The following KLHL1 variants were observed in gnomAD, a reference collection of about 807,000 sequenced individuals.
KLHL1 encodes kelch like family member 1.
In KLHL1, 47 loss-of-function variants were observed where a neutral mutation model predicts 77.7. The ratio of observed to expected loss-of-function variants is 0.60; its 90% CI spans 0.48 to 0.77. KLHL1 has a LOEUF of 0.77. Ranked by LOEUF, KLHL1 falls within the 30% of genes least tolerant of loss-of-function variation. The pLI is 0.00. For synonymous variants in KLHL1, 360 were observed against 325.2 expected, an observed-to-expected ratio of 1.11 and a Z score of -1.15; for missense variants, 925 against 910.8, an observed-to-expected ratio of 1.02 and a Z score of -0.20.
At chr13:69,985,745 A>G (rs142843119) in intron 1 of KLHL1, among the ~76,000 whole-genome samples, 31 of 148,414 alleles carry the variant, frequency 2.1e-4, no homozygotes, top group Non-Finnish European at 3.6e-4. Context: ...GTGTTCATCA[A>G]AGGCTAAATG....
intron 1 of KLHL1, among the ~76,000 whole-genome samples, chr13:70,063,459 G>C (rs1184986432): frequency 6.6e-6 from 1 of 152,028 alleles, no homozygotes; most frequent in East Asian, 1.9e-4. Flanking sequence ...ACTGTGTATA[G>C]TAGTGTTTAC....
chr13:69,807,283 T>C (rs973397686), intron 6 of KLHL1, among the ~76,000 whole-genome samples: 5 of 151,922 alleles, frequency 3.3e-5, no homozygotes, highest in Non-Finnish European at 5.9e-5. Flanking sequence ...AGATACTATT[T>C]TGAGAGTTTA....
intron 3 of KLHL1, among the ~76,000 whole-genome samples, chr13:69,943,598 G>T (rs888217273): frequency 6.6e-6 from 1 of 152,020 alleles, no homozygotes; most frequent in African/African-American, 2.4e-5. Flanking sequence ...TGAGCAAAAA[G>T]TATTCTATAG....
chr13:69,974,128 C>A (rs529472434), intron 2 of KLHL1, among the ~76,000 whole-genome samples: 3 of 151,928 alleles, frequency 2.0e-5, no homozygotes, highest in African/African-American at 7.2e-5. Context: ...AAGTTTATCA[C>A]TTAACAGTGT....
At chr13:69,968,539 AT>A (rs200414462) in intron 2 of KLHL1, among the ~76,000 whole-genome samples, 2,599 of 94,750 alleles carry the variant, frequency 0.027, 50 homozygotes, top group African/African-American at 0.065. Context: ...ATGGGTTGAA[AT>A]TTAAAAAAAA....
At chr13:70,071,732 T>C (rs957876825) in intron 1 of KLHL1, among the ~76,000 whole-genome samples, 5 of 151,940 alleles carry the variant, frequency 3.3e-5, no homozygotes, top group East Asian at 1.9e-4. Context: ...AACTAACATA[T>C]AGATCAATAA....
At chr13:69,993,298 CA>C (rs1449725367) in intron 1 of KLHL1, among the ~76,000 whole-genome samples, 5 of 152,000 alleles carry the variant, frequency 3.3e-5, no homozygotes, top group Non-Finnish European at 7.4e-5. Flanking sequence ...GTTTATATAG[CA>C]TTTTCACTTA....
intron 5 of KLHL1, among the ~76,000 whole-genome samples, chr13:69,848,929 T>G (rs1879575886): frequency 1.3e-5 from 2 of 151,566 alleles, no homozygotes; most frequent in African/African-American, 4.8e-5. Flanking sequence ...ATGCTATAAT[T>G]TTTGATTAAC....
At chr13:70,092,181 A>T (rs1233571712) in intron 1 of KLHL1, among the ~76,000 whole-genome samples, 1 of 152,210 alleles carries the variant, frequency 6.6e-6, no homozygotes, top group Non-Finnish European at 1.5e-5. Flanking sequence ...CTCCTTGCTC[A>T]TGGAAACAGA....
chr13:69,804,311 G>T (rs1331215719), intron 6 of KLHL1, among the ~76,000 whole-genome samples: 1 of 151,860 alleles, frequency 6.6e-6, no homozygotes, highest in Non-Finnish European at 1.5e-5. Context: ...TTTTTGTGGG[G>T]GGGGGAAATA....
At chr13:69,843,221 C>T (rs1186454383) in intron 5 of KLHL1, among the ~76,000 whole-genome samples, 6 of 151,386 alleles carry the variant, frequency 4.0e-5, no homozygotes, top group African/African-American at 7.3e-5. Context: ...ACTATATGCA[C>T]GTAACAAAAT....
At chr13:69,891,062 C>T (rs1203558887) in intron 4 of KLHL1, among the ~76,000 whole-genome samples, 1 of 151,976 alleles carries the variant, frequency 6.6e-6, no homozygotes, top group East Asian at 1.9e-4. Context: ...TTTCTTTAAG[C>T]ATTCAAATTA....
rs750883364 is a variant in KLHL1, at chr13:69,777,012, C to T, written c.1639+19726G>A. On this transcript the variant is annotated intron_variant, in intron 7 of 10. Coordinates refer to ENST00000377844, the MANE Select transcript of KLHL1 (RefSeq NM_020866.3). ...TGAATTGTAGCTCCCATAATCCCCA[C>T]GTGTCATGGGTGGGAGGGACAGGGT... Among the ~76,000 whole-genome samples the T allele has an allele frequency of 6.6e-5, 10 of 151,298 alleles. No individual in the cohort carries two copies. The East Asian group carries it at 1.2e-3, about 18-fold the overall frequency.
chr13:70,076,355 C>T (rs1229437628), intron 1 of KLHL1, among the ~76,000 whole-genome samples: 1 of 147,036 alleles, frequency 6.8e-6, no homozygotes, highest in African/African-American at 2.5e-5. Context: ...TTTCACAATG[C>T]CACAATGGCA....
intron 1 of KLHL1, among the ~76,000 whole-genome samples, chr13:70,021,891 C>T (rs1452398097): frequency 6.6e-6 from 1 of 151,958 alleles, no homozygotes; most frequent in Non-Finnish European, 1.5e-5. Flanking sequence ...ATTTTAAAAA[C>T]TGTCCTTTAT....
In KLHL1 at chr13:69,759,998, A is replaced by G. The variant is rs535321544; in HGVS notation, c.1640-19442T>C. Reference sequence around the variant, plus strand: ...TCCTCTCTTCCAGTGTACATAGGCAAAAAGACACCCTCACGAATGGAGGTT... The same window carrying G: ...TCCTCTCTTCCAGTGTACATAGGCAGAAAGACACCCTCACGAATGGAGGTT... On this transcript the variant is annotated intron_variant, in intron 7 of 10. Transcript: ENST00000377844. Among the ~76,000 whole-genome samples the G allele has an allele frequency of 5.3e-5, 8 of 152,276 alleles. No homozygotes were observed. In the South Asian group the frequency reaches 8.3e-4, roughly 16 times the overall value.
intron 6 of KLHL1, among the ~76,000 whole-genome samples, chr13:69,835,984 G>A (rs1056888583): frequency 2.6e-5 from 4 of 152,044 alleles, no homozygotes; most frequent in Non-Finnish European, 4.4e-5. Context: ...TCCCACATGA[G>A]TAACTATAAA....
At chr13:69,936,741 A>G (rs1231319564) in intron 4 of KLHL1, among the ~76,000 whole-genome samples, 1 of 152,126 alleles carries the variant, frequency 6.6e-6, no homozygotes, top group African/African-American at 2.4e-5. Flanking sequence ...ACAGCCATTG[A>G]AAAAACTATG....
chr13:69,938,968 A>G (rs1372291748), intron 4 of KLHL1, among the ~76,000 whole-genome samples: 9 of 152,050 alleles, frequency 5.9e-5, no homozygotes, highest in Non-Finnish European at 1.2e-4. Flanking sequence ...AAGCTTAACA[A>G]TATTTATCTC....
Sources: allele counts gnomAD v4.1 joint callset (sites outside exome capture counted in the v4.1 genomes callset), GRCh38; gene constraint gnomAD v4.1.1; transcripts MANE v1.5; gene names NCBI Gene and HGNC (gene_info 2026-07-23, HGNC 2026-07-21).